PITPNC1: variants seen among roughly 807,000 people sequenced by gnomAD.
PITPNC1 encodes the protein phosphatidylinositol transfer protein cytoplasmic 1, also known as cytoplasmic phosphatidylinositol transfer protein 1.
A neutral mutation model predicts 44.7 loss-of-function variants in PITPNC1; 18 were observed. The observed-to-expected ratio is 0.40, with a 90% CI of 0.28 to 0.60. The LOEUF (loss-of-function observed/expected upper bound fraction) is 0.60. PITPNC1 is among the 20% of genes least tolerant of loss of function. The probability of loss-of-function intolerance (pLI) is 0.39; values close to 1 mark genes in which losing one functional copy is unlikely to be tolerated. For missense variants in PITPNC1, 290 were observed against 418.4 expected (o/e 0.69, Z 2.68); for synonymous variants, 141 against 149.6 (o/e 0.94, Z 0.42).
intron 8 of PITPNC1, among the ~76,000 whole-genome samples, chr17:67,687,656 A>G: frequency 6.6e-6 from 1 of 152,096 alleles, no homozygotes; most frequent in East Asian, 1.9e-4. Flanking sequence ...TGTTTTACCC[A>G]ATCAGTTCCT....
chr17:67,422,468 C>T (rs1023492666), intron 1 of PITPNC1, among the ~76,000 whole-genome samples: 2 of 152,192 alleles, frequency 1.3e-5, no homozygotes, highest in Non-Finnish European at 2.9e-5. Context: ...CTCAAGCCAT[C>T]CTCTTGCCTT....
At chr17:67,522,657 A>ATTTTTTTTTTTTTTTTTTT (rs1219049449) in intron 1 of PITPNC1, among the ~76,000 whole-genome samples, 10 of 59,966 alleles carry the variant, frequency 1.7e-4, no homozygotes, top group African/African-American at 1.0e-3. Context: ...TACCATTTTA[A>ATTTTTTTTTTTTTTTTTTT]TCTTTTTTTT....
In PITPNC1 at chr17:67,392,530, C is replaced by T. The variant is rs540673531; in HGVS notation, c.48+14328C>T. Among the ~76,000 whole-genome samples, 8 of 152,054 alleles carry T rather than the reference C, an allele frequency of 5.3e-5. No individual in the cohort carries two copies. The East Asian group carries it at 5.8e-4, about 11-fold the overall frequency. On this transcript the variant is annotated intron_variant, in intron 1 of 8. Transcript: ENST00000581322. ...AAGTGCTGGGATTATAGGTGTGAGC[C>T]GCTGCGCTTGGCTAAAATAAATATT... is the stretch of plus-strand genomic sequence containing the variant.
intron 1 of PITPNC1, among the ~76,000 whole-genome samples, chr17:67,412,663 T>C (rs1460210381): frequency 1.4e-4 from 22 of 152,070 alleles, no homozygotes; most frequent in Admixed American, 1.4e-3. Context: ...ACCTCCCGGG[T>C]TCAAGTGATT....
intron 1 of PITPNC1, among the ~76,000 whole-genome samples, chr17:67,492,798 C>T (rs1247582513): frequency 6.6e-6 from 1 of 152,182 alleles, no homozygotes; most frequent in Non-Finnish European, 1.5e-5. Flanking sequence ...TTCCCCTCCA[C>T]GCTTTGTGAG....
chr17:67,631,846 ATT>A (rs928231927), intron 5 of PITPNC1, among the ~76,000 whole-genome samples: 14 of 140,366 alleles, frequency 1.0e-4, no homozygotes, highest in Admixed American at 8.7e-4. Context: ...TTGGGAAGAG[ATT>A]TTTTTTTTTT....
chr17:67,516,216 CTG>C, intron 1 of PITPNC1, among the ~76,000 whole-genome samples: 1 of 152,320 alleles, frequency 6.6e-6, no homozygotes, highest in African/African-American at 2.4e-5. Context: ...CTAAACTTAA[CTG>C]TGACATTTTC....
chr17:67,522,836 ATTTTTTTG>A (rs1598774971), intron 1 of PITPNC1, among the ~76,000 whole-genome samples: 1 of 150,796 alleles, frequency 6.6e-6, no homozygotes, highest in East Asian at 2.0e-4. Context: ...CTGAGTTTTT[ATTTTTTTG>A]TTTTTTGTAG....
chr17:67,527,270 C>G (rs1342380880), intron 1 of PITPNC1, among the ~76,000 whole-genome samples: 1 of 152,128 alleles, frequency 6.6e-6, no homozygotes, highest in Non-Finnish European at 1.5e-5. Flanking sequence ...GTTGTGTGGA[C>G]TAGAATGAGT....
chr17:67,579,265 G>T (rs1475016272), intron 5 of PITPNC1, among the ~76,000 whole-genome samples: 1 of 152,086 alleles, frequency 6.6e-6, no homozygotes, highest in Non-Finnish European at 1.5e-5. Flanking sequence ...CTTTTCTTTG[G>T]GGGTGACTGT....
intron 1 of PITPNC1, among the ~76,000 whole-genome samples, chr17:67,436,050 TG>T (rs2038933182): frequency 6.6e-6 from 1 of 152,150 alleles, no homozygotes; most frequent in African/African-American, 2.4e-5. Flanking sequence ...TGCAGTGTTG[TG>T]GTGTGATCAT....
intron 1 of PITPNC1, among the ~76,000 whole-genome samples, chr17:67,468,000 G>T (rs1049927323): frequency 2.0e-5 from 3 of 152,186 alleles, no homozygotes; most frequent in Non-Finnish European, 4.4e-5. Context: ...GCAGACCACA[G>T]AGCAGAGAGG....
chr17:67,481,245 C>G (rs954227200), intron 1 of PITPNC1, among the ~76,000 whole-genome samples: 2 of 152,170 alleles, frequency 1.3e-5, no homozygotes, highest in African/African-American at 4.8e-5. Flanking sequence ...TGGGTGCTGT[C>G]GTGAGAAGGA....
At chr17:67,573,556 CTTTTTTTT>C (rs35434515) in intron 4 of PITPNC1, among the ~76,000 whole-genome samples, 1 of 84,050 alleles carries the variant, frequency 1.2e-5, no homozygotes, top group African/African-American at 5.2e-5. Context: ...ACTGAATACT[CTTTTTTTT>C]TTTTTTTTTT....
At chr17:67,451,590 G>A (rs574929883) in intron 1 of PITPNC1, among the ~76,000 whole-genome samples, 3 of 150,872 alleles carry the variant, frequency 2.0e-5, no homozygotes, top group Non-Finnish European at 2.9e-5. Flanking sequence ...TAGTAATTTC[G>A]TATAAAAATT....
At chr17:67,609,724 A>C (rs1036497384) in intron 5 of PITPNC1, among the ~76,000 whole-genome samples, 5 of 151,410 alleles carry the variant, frequency 3.3e-5, no homozygotes, top group Admixed American at 6.6e-5. Context: ...AGTCCGGCAA[A>C]CTGTTGATGA....
chr17:67,563,310 C>T (rs2040929584), intron 4 of PITPNC1, among the ~76,000 whole-genome samples: 1 of 152,154 alleles, frequency 6.6e-6, no homozygotes, highest in South Asian at 2.1e-4. Flanking sequence ...GCAGGGAACA[C>T]GTTCTACATA....
chr17:67,564,102 TG>T (rs1245797881), intron 4 of PITPNC1, among the ~76,000 whole-genome samples: 2 of 151,878 alleles, frequency 1.3e-5, no homozygotes, highest in African/African-American at 2.4e-5. Context: ...AACAGATAGA[TG>T]GATAGATTAG....
At chr17:67,560,891 T>C (rs925344661) in intron 4 of PITPNC1, among the ~76,000 whole-genome samples, 1 of 152,188 alleles carries the variant, frequency 6.6e-6, no homozygotes, top group Non-Finnish European at 1.5e-5. Context: ...CAGAGGGCAA[T>C]CAGCAGAGAA....
Sources: allele counts gnomAD v4.1 joint callset (sites outside exome capture counted in the v4.1 genomes callset), GRCh38; gene constraint gnomAD v4.1.1; transcripts MANE v1.5; gene names NCBI Gene and HGNC (gene_info 2026-07-23, HGNC 2026-07-21).